The following VPS13C variants were observed in gnomAD, a reference collection of about 807,000 sequenced individuals.
VPS13C encodes vacuolar protein sorting 13 homolog C.
A neutral mutation model predicts 456.8 loss-of-function variants in VPS13C; 358 were observed. That is an observed-to-expected ratio of 0.78 (90% CI 0.72 to 0.86). The LOEUF is 0.86. Among genes scored for constraint, VPS13C ranks in the 40% least tolerant of loss-of-function variants. VPS13C has a pLI of 0.00. For synonymous variants in VPS13C, 1,578 were observed against 1,486.7 expected, an observed-to-expected ratio of 1.06 and a Z score of -1.41; for missense variants, 4,818 against 4,385.4, an observed-to-expected ratio of 1.10 and a Z score of -2.79.
chr15:61,945,056 G>A (rs1008905907), intron 45 of VPS13C, among the ~76,000 whole-genome samples: 6 of 152,148 alleles, frequency 3.9e-5, no homozygotes, highest in Non-Finnish European at 8.8e-5. Flanking sequence ...GAGTTCTCAT[G>A]AGATCTGATG....
intron 22 of VPS13C, 114 bp downstream of exon 22, chr15:61,981,228 A>C: frequency 8.0e-7 from 1 of 1,256,706 alleles, no homozygotes; most frequent in Non-Finnish European, 1.1e-6. Context: ...ACAGGCTAAA[A>C]AATAAGTCTA....
At chr15:62,010,003 C>T (rs2046985841) in intron 13 of VPS13C, among the ~76,000 whole-genome samples, 1 of 151,930 alleles carries the variant, frequency 6.6e-6, no homozygotes, top group African/African-American at 2.4e-5. Flanking sequence ...CTGGCTAACA[C>T]AGTGAAACGC....
At chr15:62,056,368 G>T (rs1328836094) in intron 1 of VPS13C, among the ~76,000 whole-genome samples, 1 of 152,202 alleles carries the variant, frequency 6.6e-6, no homozygotes, top group East Asian at 1.9e-4. Flanking sequence ...TACAGAGATA[G>T]GAGCTGAGGG....
intron 16 of VPS13C, among the ~76,000 whole-genome samples, chr15:61,992,147 A>C (rs968378386): frequency 6.6e-6 from 1 of 152,238 alleles, no homozygotes; most frequent in Non-Finnish European, 1.5e-5. Flanking sequence ...TAAAATGAAA[A>C]GTTCCTTGAA....
intron 4 of VPS13C, 54 bp downstream of exon 4, chr15:62,034,903 A>G (rs923267216): frequency 4.1e-6 from 5 of 1,207,048 alleles, no homozygotes; most frequent in Non-Finnish European, 5.9e-6. Context: ...AACTCAGATA[A>G]CAATTTAATT....
In VPS13C at chr15:61,980,637, T is replaced by TAA. The variant is rs112342799; in HGVS notation, c.2166+703_2166+704dup. Reference sequence around the variant, plus strand: ...CTAACTTTTTTTGGTTTCCTAATCTTAAAAAAAAAAAAATCTATAAACAGT... The same window carrying TAA: ...CTAACTTTTTTTGGTTTCCTAATCTTAAAAAAAAAAAAAAATCTATAAACAGT... On this transcript the variant is annotated intron_variant, in intron 22 of 84. Transcript: ENST00000644861. Among the ~76,000 whole-genome samples the TAA allele has an allele frequency of 3.3e-3, 487 of 146,038 alleles. 2 individuals carry two copies. The highest frequency in any genetic ancestry group is 0.011 in the African/African-American group (454 of 40,242).
chr15:62,000,416 CT>C (rs2046569915), intron 16 of VPS13C, 147 bp downstream of exon 16: 5 of 687,616 alleles, frequency 7.3e-6, no homozygotes, highest in Non-Finnish European at 9.4e-6. Context: ...ATATTAGTGG[CT>C]TTTTTTCAGT....
chr15:62,037,124 AT>A (rs1486185644), intron 3 of VPS13C, among the ~76,000 whole-genome samples: 1 of 140,608 alleles, frequency 7.1e-6, no homozygotes, highest in African/African-American at 2.7e-5. Context: ...AAAAGAACAA[AT>A]TCTGAACCAT....
At chr15:61,914,878 T>TTAAAAA (rs1455691773) in intron 61 of VPS13C, among the ~76,000 whole-genome samples, 2 of 102,052 alleles carry the variant, frequency 2.0e-5, no homozygotes, top group African/African-American at 7.4e-5. Flanking sequence ...AACTCTGCCT[T>TTAAAAA]AAAAAAAAAA....
At chr15:62,049,464 C>T (rs1420965102) in intron 1 of VPS13C, among the ~76,000 whole-genome samples, 1 of 152,128 alleles carries the variant, frequency 6.6e-6, no homozygotes, top group Non-Finnish European at 1.5e-5. Context: ...TTATCTATAT[C>T]TCTGTTTTGG....
At chr15:62,028,872 C>A (rs1432922700) in intron 5 of VPS13C, among the ~76,000 whole-genome samples, 1 of 152,016 alleles carries the variant, frequency 6.6e-6, no homozygotes, top group Non-Finnish European at 1.5e-5. Context: ...CCTTTACATA[C>A]ACTATCTGAA....
rs67220908 is a variant in VPS13C, at chr15:62,012,221, GACACAC to G, written c.826-63_826-58del. On this transcript the variant is annotated intron_variant, in intron 11 of 84. Coordinates refer to ENST00000644861, the MANE Select transcript of VPS13C (RefSeq NM_020821.3). ...GAAAATGCACACATATTCAGACTCA[GACACAC>G]ACACACACACACACACACACACACA... The G allele has an allele frequency of 0.18, 89,589 of 506,916 alleles. 5,123 individuals carry two copies. Among genetic ancestry groups the G allele is most frequent in the East Asian group, 0.26 (7,119 of 27,082 alleles). The allele number at this position is 506,916 out of a possible 1,614,324, so 31.4% of individuals were successfully genotyped here.
chr15:61,971,053 A>T (rs1471953014), intron 27 of VPS13C, among the ~76,000 whole-genome samples: 1 of 152,122 alleles, frequency 6.6e-6, no homozygotes, highest in Non-Finnish European at 1.5e-5. Flanking sequence ...ATGGCACATG[A>T]TCAATACCTA....
intron 65 of VPS13C, 25 bp downstream of exon 65, chr15:61,908,967 T>A (rs768446318): frequency 1.9e-6 from 3 of 1,607,440 alleles, no homozygotes; most frequent in South Asian, 1.1e-5. Context: ...TAAAAGTATT[T>A]CCCATTAACC....
At position 61,950,950 on chromosome 15, in the gene VPS13C, TC is replaced by T. The variant is rs2044769670; in HGVS notation, c.4530del (p.Thr1511GlnfsTer21). On this transcript the variant is annotated frameshift_variant, in exon 40 of 85. Transcript: ENST00000644861. LOFTEE classifies it high-confidence loss of function. ...VTDEPLLKML[L>X]TKADSDGPEF... ...CTAGAAATGAAACTAGTTACCTTTG[TC>T]AGTAACATTTTCAGAAGGGGTTCGT... 1 of 1,594,666 alleles carries T rather than the reference TC, an allele frequency of 6.3e-7. No individual in the cohort carries two copies. The highest frequency in any genetic ancestry group is 1.7e-5 in the Admixed American group (1 of 58,266).
At chr15:62,006,708 T>A (rs930111729) in intron 15 of VPS13C, among the ~76,000 whole-genome samples, 2 of 152,210 alleles carry the variant, frequency 1.3e-5, no homozygotes, top group South Asian at 4.1e-4. Context: ...TGAACTAGTT[T>A]ACAATCCCAC....
In VPS13C at chr15:61,918,166, T is replaced by C; in HGVS notation, c.7730A>G (p.Glu2577Gly). ...LERIGIARPE[E>G]EFHVPLDSYR... ...TGAATCTAAAGGAACATGGAACTCC[T>C]CTTCAGGTCTGGCTATCCCAATGCG... Residue 2577 changes from glutamate (E) to glycine (G), a missense_variant, in exon 59 of 85, where the codon GAG (glutamate) becomes GGG (glycine). Glu to Gly is a moderately conservative substitution (Grantham distance 98, BLOSUM62 -2). Transcript: ENST00000644861. 1.3e-6 allele frequency: 2 copies of C among 1,599,264 alleles called. No individual in the cohort carries two copies. Among genetic ancestry groups the C allele is most frequent in the South Asian group, 2.3e-5 (2 of 87,578 alleles).
At chr15:61,981,306 A>G in intron 22 of VPS13C, 36 bp downstream of exon 22, 1 of 1,561,936 alleles carries the variant, frequency 6.4e-7, no homozygotes. Context: ...CAAGCAGGTC[A>G]AAGATGGGCA....
chr15:62,044,283 A>G (rs1456054472), intron 1 of VPS13C, 28 bp from the exon 2 acceptor site: 2 of 1,377,194 alleles, frequency 1.5e-6, no homozygotes, highest in Non-Finnish European at 2.0e-6. Flanking sequence ...AAAGAAAAAT[A>G]TTACTATAAC....
Sources: allele counts gnomAD v4.1 joint callset (sites outside exome capture counted in the v4.1 genomes callset), GRCh38; gene constraint gnomAD v4.1.1; transcripts MANE v1.5; gene names NCBI Gene and HGNC (gene_info 2026-07-23, HGNC 2026-07-21).